The following CYP19A1 variants were observed in gnomAD, a reference collection of about 807,000 sequenced individuals.
The protein encoded by CYP19A1 is cytochrome P450 family 19 subfamily A member 1, also known as aromatase.
In CYP19A1, 32 loss-of-function variants were observed where a neutral mutation model predicts 44.4. The observed-to-expected ratio is 0.72, with a 90% CI of 0.54 to 0.97. The LOEUF (loss-of-function observed/expected upper bound fraction) is 0.97. CYP19A1 is among the 50% of genes least tolerant of loss of function. The pLI is 0.00. For missense variants in CYP19A1, 598 were observed against 637.8 expected (o/e 0.94, Z 0.67); for synonymous variants, 212 against 215.6 (o/e 0.98, Z 0.14).
At chr15:51,326,296 A>C (rs962382278) in intron 1 of CYP19A1, among the ~76,000 whole-genome samples, 3 of 152,204 alleles carry the variant, frequency 2.0e-5, no homozygotes, top group African/African-American at 7.2e-5. Flanking sequence ...CCAGCTTCCA[A>C]GTGGCCAGAG....
Position 51,211,016 on chromosome 15 carries a change from CG to C in CYP19A1, c.1303del (p.Arg435ValfsTer11). 6.3e-7 allele frequency: 1 copy of C among 1,589,508 alleles called. No individual in the cohort carries two copies. On this transcript the variant is annotated frameshift_variant, in exon 10 of 10. Coordinates refer to ENST00000396402, the MANE Select transcript of CYP19A1 (RefSeq NM_000103.4). LOFTEE classifies it low-confidence loss of function (END_TRUNC). ...GGCGATGTACTTTCCTGCACAGCCACGGGGCCCAAAGCCAAATGGCTGAAAG... is the reference window on the plus strand; with the variant it reads ...GGCGATGTACTTTCCTGCACAGCCACGGGCCCAAAGCCAAATGGCTGAAAG... ...RYFQPFGFGP[R>X]GCAGKYIAMV...
intron 4 of CYP19A1, among the ~76,000 whole-genome samples, chr15:51,227,491 G>A (rs1481471158): frequency 2.0e-5 from 3 of 151,834 alleles, no homozygotes; most frequent in Admixed American, 6.6e-5. Flanking sequence ...CAAATATGGC[G>A]AAACCCCATC....
chr15:51,257,970 A>T (rs2034576591), intron 1 of CYP19A1, among the ~76,000 whole-genome samples: 1 of 152,234 alleles, frequency 6.6e-6, no homozygotes, highest in African/African-American at 2.4e-5. Flanking sequence ...GCTAGGCACT[A>T]TTCTAAGCAC....
At chr15:51,260,957 T>G (rs527238711) in intron 1 of CYP19A1, among the ~76,000 whole-genome samples, 1 of 152,276 alleles carries the variant, frequency 6.6e-6, no homozygotes, top group East Asian at 1.9e-4. Flanking sequence ...CGAGCTGAGC[T>G]TTCATTCACA....
At chr15:51,297,667 A>G (rs942766162) in intron 1 of CYP19A1, among the ~76,000 whole-genome samples, 3 of 151,992 alleles carry the variant, frequency 2.0e-5, no homozygotes, top group Admixed American at 6.5e-5. Flanking sequence ...CTCCCTGCTC[A>G]ATGCCTACTG....
At chr15:51,243,714 G>A (rs2033917660) in intron 1 of CYP19A1, among the ~76,000 whole-genome samples, 1 of 152,212 alleles carries the variant, frequency 6.6e-6, no homozygotes, top group Non-Finnish European at 1.5e-5. Flanking sequence ...AGAATAGGAT[G>A]CCACCAGCAA....
intron 1 of CYP19A1, among the ~76,000 whole-genome samples, chr15:51,270,717 T>G (rs2035091923): frequency 2.0e-5 from 3 of 152,186 alleles, no homozygotes; most frequent in African/African-American, 7.2e-5. Flanking sequence ...GTTGGTTTCT[T>G]TCTGAGGAAA....
At chr15:51,261,069 A>T (rs1333117211) in intron 1 of CYP19A1, among the ~76,000 whole-genome samples, 2 of 152,160 alleles carry the variant, frequency 1.3e-5, no homozygotes, top group African/African-American at 4.8e-5. Context: ...CGAGGTGCCC[A>T]TCGCCACTCC....
intron 5 of CYP19A1, among the ~76,000 whole-genome samples, chr15:51,219,950 G>A (rs1157255896): frequency 6.6e-6 from 1 of 152,146 alleles, no homozygotes; most frequent in African/African-American, 2.4e-5. Flanking sequence ...GTGATTGTGG[G>A]CTCCCATCCA....
In CYP19A1 at chr15:51,328,445, G is replaced by A. The variant is rs114212461; in HGVS notation, c.-39+10050C>T. 8.5e-3 allele frequency among the ~76,000 whole-genome samples: 1,294 copies of A among 152,162 alleles called. 17 individuals are homozygous for A. The highest frequency in any genetic ancestry group is 0.03 in the African/African-American group (1,245 of 41,496). On this transcript the variant is annotated intron_variant, in intron 1 of 9. Transcript: ENST00000396402. Reference sequence around the variant, plus strand: ...ATGTCAATGGCATCCCACATTCACCGTCGTAACAAACTGTGATAGTAACAA... The same window carrying A: ...ATGTCAATGGCATCCCACATTCACCATCGTAACAAACTGTGATAGTAACAA...
chr15:51,276,041 C>T lies in CYP19A1; in HGVS notation c.-38-33091G>A, dbSNP rs374156445. 2.6e-5 allele frequency among the ~76,000 whole-genome samples: 4 copies of T among 152,306 alleles called. No individual in the cohort carries two copies. In the East Asian group the frequency reaches 7.7e-4, roughly 29 times the overall value. ...GAAACTGTCCTTCACAAAATTAAAA[C>T]TATCCTTTTTCCTAGGAAGCTCTCA... On this transcript the variant is annotated intron_variant, in intron 1 of 9. Coordinates refer to ENST00000396402, the MANE Select transcript of CYP19A1 (RefSeq NM_000103.4).
At chr15:51,222,603 G>T in intron 4 of CYP19A1, 78 bp from the exon 5 acceptor site, 1 of 1,137,662 alleles carries the variant, frequency 8.8e-7, no homozygotes, top group Non-Finnish European at 1.3e-6. Context: ...GGCTTTTTAT[G>T]TTGGAGCTTA....
chr15:51,308,843 C>G (rs1891259802), intron 1 of CYP19A1, among the ~76,000 whole-genome samples: 1 of 152,174 alleles, frequency 6.6e-6, no homozygotes. Flanking sequence ...TGCTGGATTG[C>G]TGTAAGGGTG....
At chr15:51,337,399 T>A (rs2036794112) in intron 1 of CYP19A1, among the ~76,000 whole-genome samples, 1 of 152,246 alleles carries the variant, frequency 6.6e-6, no homozygotes, top group Admixed American at 6.5e-5. Context: ...ACATTTATTA[T>A]ACAAGTGCTT....
At chr15:51,238,298 G>A (rs16964211) in intron 2 of CYP19A1, among the ~76,000 whole-genome samples, 21,296 of 152,176 alleles carry the variant, frequency 0.14, 2,533 homozygotes, top group African/African-American at 0.31. Context: ...TTCCACAGCA[G>A]ATTTGATTGA....
chr15:51,285,759 C>T (rs371200166), intron 1 of CYP19A1, among the ~76,000 whole-genome samples: 1 of 152,182 alleles, frequency 6.6e-6, no homozygotes, highest in Non-Finnish European at 1.5e-5. Flanking sequence ...CCTGTTTGAT[C>T]GCCAATAAAT....
intron 4 of CYP19A1, among the ~76,000 whole-genome samples, chr15:51,227,432 C>T (rs964613787): frequency 3.3e-5 from 5 of 151,922 alleles, no homozygotes; most frequent in Non-Finnish European, 7.4e-5. Flanking sequence ...TTTGGGAGGC[C>T]GAGGCAGGTC....
intron 1 of CYP19A1, among the ~76,000 whole-genome samples, chr15:51,281,613 C>T (rs1408764504): frequency 1.3e-5 from 2 of 152,060 alleles, no homozygotes; most frequent in African/African-American, 4.8e-5. Flanking sequence ...GGGAGGCAGG[C>T]AGTGAGGGGC....
chr15:51,216,753 T>G (rs1421356505), intron 6 of CYP19A1, among the ~76,000 whole-genome samples: 1 of 152,202 alleles, frequency 6.6e-6, no homozygotes, highest in African/African-American at 2.4e-5. Flanking sequence ...GGCAGTGTGG[T>G]TGAAAGAACA....
Sources: gnomAD v4.1 joint callset for allele counts (sites outside exome capture counted in the v4.1 genomes callset) on GRCh38, gnomAD v4.1.1 for gene constraint, MANE v1.5 for transcripts, NCBI Gene and HGNC (gene_info 2026-07-23, HGNC 2026-07-21) for gene names.